DNAJC15: variants seen among roughly 807,000 people sequenced by gnomAD.
DNAJC15 encodes dnaJ homolog subfamily C member 15.
In DNAJC15, 27 loss-of-function variants were observed where a neutral mutation model predicts 22.4. That is an observed-to-expected ratio of 1.20 (90% CI 0.89 to 1.66). The LOEUF (loss-of-function observed/expected upper bound fraction) is 1.66. DNAJC15 is among the 40% of genes most tolerant of loss of function. The pLI, the probability that DNAJC15 is intolerant of heterozygous loss-of-function variation, is 0.00. For missense variants in DNAJC15, 208 were observed against 187.1 expected (o/e 1.11, Z -0.65); for synonymous variants, 79 against 63.2 (o/e 1.25, Z -1.19).
chr13:43,107,214 CA>C lies in DNAJC15; in HGVS notation c.423del (p.Asp142ThrfsTer3). 3 of 1,575,078 alleles carry C rather than the reference CA, an allele frequency of 1.9e-6. No homozygotes were observed. Among genetic ancestry groups the C allele is most frequent in the African/African-American group, 1.4e-5 (1 of 71,068 alleles). ...SPYVAAKINE[A>X]KDLLETTTKH Reference sequence around the variant, plus strand: ...TACGTAGCAGCCAAAATAAATGAAGCAAAAGACTTGCTAGAAACAACCACCA... The same window carrying C: ...TACGTAGCAGCCAAAATAAATGAAGCAAAGACTTGCTAGAAACAACCACCA... On this transcript the variant is annotated frameshift_variant, in exon 6 of 6. Coordinates refer to ENST00000379221, the MANE Select transcript of DNAJC15 (RefSeq NM_013238.3). LOFTEE classifies it high-confidence loss of function.
At chr13:43,105,947 A>G (rs1228227498) in intron 5 of DNAJC15, among the ~76,000 whole-genome samples, 3 of 152,192 alleles carry the variant, frequency 2.0e-5, no homozygotes, top group Non-Finnish European at 2.9e-5. Context: ...ATATTCCATA[A>G]GTGTTTATAG....
At chr13:43,077,749 G>A (rs2040640858) in intron 3 of DNAJC15, among the ~76,000 whole-genome samples, 1 of 152,188 alleles carries the variant, frequency 6.6e-6, no homozygotes, top group Admixed American at 6.5e-5. Context: ...GCACATAACA[G>A]TGTCCTCAAC....
At chr13:43,045,022 G>A (rs1025470467) in intron 1 of DNAJC15, among the ~76,000 whole-genome samples, 1 of 148,604 alleles carries the variant, frequency 6.7e-6, no homozygotes, top group Admixed American at 6.8e-5. Flanking sequence ...TGTATCACTC[G>A]GAGAAAAGCT....
Position 43,035,187 on chromosome 13 carries a change from G to A in DNAJC15, c.108+11453G>A, listed in dbSNP as rs138037001. 1.6e-3 allele frequency among the ~76,000 whole-genome samples: 239 copies of A among 152,164 alleles called. 2 individuals are homozygous for A. Among genetic ancestry groups the A allele is most frequent in the African/African-American group, 5.4e-3 (224 of 41,510 alleles). On this transcript the variant is annotated intron_variant, in intron 1 of 5. Coordinates refer to ENST00000379221, the MANE Select transcript of DNAJC15 (RefSeq NM_013238.3). ...TTTGTTTAGTTTGGGCTTTATTTTT[G>A]TTTTTCAATATCTGGTGTTAGGGAC...
intron 4 of DNAJC15, among the ~76,000 whole-genome samples, chr13:43,081,601 G>A (rs2040661909): frequency 6.6e-6 from 1 of 151,888 alleles, no homozygotes; most frequent in East Asian, 1.9e-4. Context: ...ACCACGCCTG[G>A]CTAATTTTTT....
Position 43,095,641 on chromosome 13 carries a change from GTTAGAAAAGGGGAAA to G in DNAJC15, c.382+9805_382+9819del, listed in dbSNP as rs769331341. Among the ~76,000 whole-genome samples, 13 of 152,182 alleles carry G rather than the reference GTTAGAAAAGGGGAAA, an allele frequency of 8.5e-5. No homozygotes were observed. The South Asian group carries it at 1.0e-3, about 12-fold the overall frequency. ...AAGGAACCAAACACTTATAGATCAA[GTTAGAAAAGGGGAAA>G]TCATCAAAGGAGACAGAAGGAAAAA... On this transcript the variant is annotated intron_variant, in intron 5 of 5. Coordinates refer to ENST00000379221, the MANE Select transcript of DNAJC15 (RefSeq NM_013238.3).
At chr13:43,100,004 G>C (rs909037165) in intron 5 of DNAJC15, among the ~76,000 whole-genome samples, 1 of 151,982 alleles carries the variant, frequency 6.6e-6, no homozygotes, top group African/African-American at 2.4e-5. Context: ...CAGGGGCTGG[G>C]CTTTTCTTTG....
At chr13:43,069,830 A>G (rs529396321) in intron 3 of DNAJC15, among the ~76,000 whole-genome samples, 2 of 152,330 alleles carry the variant, frequency 1.3e-5, no homozygotes, top group South Asian at 2.1e-4. Context: ...AATGAACAGT[A>G]ATTAAACAGG....
rs778076665 is a variant in DNAJC15 at position 43,078,594 on chromosome 13, T to A, written c.235-18T>A. On this transcript the variant is annotated intron_variant, in intron 3 of 5. Coordinates refer to ENST00000379221, the MANE Select transcript of DNAJC15 (RefSeq NM_013238.3). ...ATACGTGGAACTAATGATTTCTTGC[T>A]CTTTCTTTCCTATACAGAGCTTTTC... The A allele has an allele frequency of 6.2e-7, 1 of 1,607,604 alleles. No individual in the cohort carries two copies. The highest frequency in any genetic ancestry group is 1.1e-5 in the South Asian group (1 of 90,312).
intron 1 of DNAJC15, among the ~76,000 whole-genome samples, chr13:43,064,984 A>AG (rs1555275559): frequency 6.8e-6 from 1 of 147,424 alleles, no homozygotes; most frequent in African/African-American, 2.6e-5. Context: ...AAAAAAAAAA[A>AG]AGAGAATGGA....
chr13:43,060,041 G>T (rs1186657507), intron 1 of DNAJC15, among the ~76,000 whole-genome samples: 1 of 152,218 alleles, frequency 6.6e-6, no homozygotes, highest in African/African-American at 2.4e-5. Flanking sequence ...GGGCTATCTG[G>T]ATGTATACGT....
chr13:43,025,749 C>A (rs1055240280), intron 1 of DNAJC15, among the ~76,000 whole-genome samples: 1 of 152,018 alleles, frequency 6.6e-6, no homozygotes, highest in Admixed American at 6.6e-5. Flanking sequence ...ACTAAAAATA[C>A]AAAAATTAGC....
chr13:43,042,033 C>T (rs1464538704), intron 1 of DNAJC15, among the ~76,000 whole-genome samples: 1 of 152,126 alleles, frequency 6.6e-6, no homozygotes, highest in Non-Finnish European at 1.5e-5. Context: ...TTTACTTAAT[C>T]CTGCTGCCTA....
At chr13:43,106,222 G>A (rs1199130540) in intron 5 of DNAJC15, among the ~76,000 whole-genome samples, 2 of 152,076 alleles carry the variant, frequency 1.3e-5, no homozygotes, top group Non-Finnish European at 2.9e-5. Context: ...AGCTATAGAT[G>A]GTTTGCACTT....
At chr13:43,079,071 AG>A (rs1297711991) in intron 4 of DNAJC15, among the ~76,000 whole-genome samples, 4 of 152,178 alleles carry the variant, frequency 2.6e-5, no homozygotes, top group African/African-American at 9.6e-5. Context: ...CTGCTTCTGC[AG>A]TGTGACATCA....
rs757404583 is a variant in DNAJC15 at position 43,080,267 on chromosome 13, CCT to C, written c.311+1582_311+1583del. 9.2e-5 allele frequency among the ~76,000 whole-genome samples: 14 copies of C among 152,144 alleles called. No homozygotes were observed. The East Asian group carries it at 2.5e-3, about 27-fold the overall frequency. On this transcript the variant is annotated intron_variant, in intron 4 of 5. Transcript: ENST00000379221. ...GGTAGGCCTCAGTGTCTGTTTTTCC[CCT>C]CTTACTATTTAGCTCCCACATGTAA...
At position 43,040,275 on chromosome 13, in the gene DNAJC15, C is replaced by T. The variant is rs572943472; in HGVS notation, c.108+16541C>T. On this transcript the variant is annotated intron_variant, in intron 1 of 5. Coordinates refer to ENST00000379221, the MANE Select transcript of DNAJC15 (RefSeq NM_013238.3). The stretch of plus-strand genomic sequence containing the variant: ...TAGAGCCTGCTGTAGTTCTTTCTTC[C>T]TAACAAATTCGTTTCAAATGCTGAA... 1.4e-4 allele frequency among the ~76,000 whole-genome samples: 22 copies of T among 152,310 alleles called. 2 individuals are homozygous for T. In the East Asian group the frequency reaches 3.1e-3, roughly 21 times the overall value.
chr13:43,037,819 A>G (rs1175909291), intron 1 of DNAJC15, among the ~76,000 whole-genome samples: 3 of 152,240 alleles, frequency 2.0e-5, no homozygotes, highest in African/African-American at 7.2e-5. Context: ...CATGGAGGTC[A>G]TGTAACTTGG....
chr13:43,029,916 T>C (rs1026838361), intron 1 of DNAJC15, among the ~76,000 whole-genome samples: 1 of 152,120 alleles, frequency 6.6e-6, no homozygotes, highest in Non-Finnish European at 1.5e-5. Flanking sequence ...AATTAACAAA[T>C]GAATGAAACC....
Sources: gnomAD v4.1 joint callset for allele counts (sites outside exome capture counted in the v4.1 genomes callset) on GRCh38, gnomAD v4.1.1 for gene constraint, MANE v1.5 for transcripts, NCBI Gene and HGNC (gene_info 2026-07-23, HGNC 2026-07-21) for gene names.